The following NEDD9 variants were observed in gnomAD, a reference collection of about 807,000 sequenced individuals.
The protein encoded by NEDD9 is neural precursor cell expressed, developmentally down-regulated 9.
A neutral mutation model predicts 76.6 loss-of-function variants in NEDD9; 26 were observed. The ratio of observed to expected loss-of-function variants is 0.34; its 90% CI spans 0.25 to 0.47. NEDD9 has a LOEUF of 0.47. Among genes scored for constraint, NEDD9 ranks in the 20% least tolerant of loss-of-function variants. The pLI, the probability that NEDD9 is intolerant of heterozygous loss-of-function variation, is 1.00. For synonymous variants in NEDD9, 392 were observed against 414.2 expected, an observed-to-expected ratio of 0.95 and a Z score of 0.65; for missense variants, 937 against 1,058.5, an observed-to-expected ratio of 0.89 and a Z score of 1.59.
At chr6:11,355,897 T>C (rs983898948) in intron 1 of NEDD9, among the ~76,000 whole-genome samples, 7 of 141,488 alleles carry the variant, frequency 4.9e-5, no homozygotes, top group African/African-American at 1.8e-4. Context: ...ATTTTTTGTA[T>C]TTTTTAGTAG....
chr6:11,382,155 A>T (rs552329966), exon 1 of NEDD9: 1 of 152,240 alleles, frequency 6.6e-6, no homozygotes, highest in South Asian at 2.1e-4. Flanking sequence ...GTAGGATGGA[A>T]CCGCTGGTGG....
chr6:11,299,114 G>A (rs1760975154), intron 3 of NEDD9, among the ~76,000 whole-genome samples: 2 of 152,170 alleles, frequency 1.3e-5, no homozygotes, highest in Non-Finnish European at 2.9e-5. Flanking sequence ...ACTGTACCTG[G>A]AGAAACAGTA....
chr6:11,275,011 A>T (rs1760387593), intron 3 of NEDD9, among the ~76,000 whole-genome samples: 3 of 152,234 alleles, frequency 2.0e-5, no homozygotes, highest in Non-Finnish European at 2.9e-5. Flanking sequence ...TAAATGAATA[A>T]ATGTAGATGA....
At chr6:11,294,166 G>A (rs1383095504) in intron 3 of NEDD9, among the ~76,000 whole-genome samples, 1 of 152,154 alleles carries the variant, frequency 6.6e-6, no homozygotes, top group Admixed American at 6.5e-5. Flanking sequence ...TTGAGGTACT[G>A]ATTTCATTTC....
Position 11,192,580 on chromosome 6 carries a change from A to G in NEDD9, c.562-134T>C, listed in dbSNP as rs915340468. 8 of 590,844 alleles carry G rather than the reference A, an allele frequency of 1.4e-5. No individual in the cohort carries two copies. In the African/African-American group the frequency reaches 1.9e-4, roughly 14 times the overall value. 36.6% of individuals were successfully genotyped at this position (590,844 alleles called of 1,614,324 possible). ...TTGATCTTTGGCAGTGCTCCATGTT[A>G]TAACAGATTTATTGCCTTTTTTTTT... On this transcript the variant is annotated intron_variant, in intron 3 of 6. Coordinates refer to ENST00000379446, the MANE Select transcript of NEDD9 (RefSeq NM_006403.4).
chr6:11,302,463 C>A (rs549875058), intron 3 of NEDD9, among the ~76,000 whole-genome samples: 1 of 152,322 alleles, frequency 6.6e-6, no homozygotes, highest in South Asian at 2.1e-4. Context: ...ACCATTCCTT[C>A]TGAAACTATT....
At chr6:11,229,580 G>A (rs573112433) in intron 1 of NEDD9, among the ~76,000 whole-genome samples, 6 of 151,904 alleles carry the variant, frequency 3.9e-5, no homozygotes, top group Non-Finnish European at 8.8e-5. Context: ...ACCTAACCCC[G>A]CCAGCCCCCG....
At chr6:11,365,771 C>T (rs749860005) in intron 1 of NEDD9, among the ~76,000 whole-genome samples, 1 of 148,276 alleles carries the variant, frequency 6.7e-6, no homozygotes, top group African/African-American at 2.5e-5. Flanking sequence ...GGGCGGATCA[C>T]TTTGAGCTCA....
At chr6:11,301,913 G>A (rs1237625006) in intron 3 of NEDD9, among the ~76,000 whole-genome samples, 1 of 152,128 alleles carries the variant, frequency 6.6e-6, no homozygotes, top group East Asian at 1.9e-4. Flanking sequence ...AGAGAAAGCA[G>A]GAAAGATCTA....
At chr6:11,289,357 C>CTAT (rs1202147546) in intron 3 of NEDD9, among the ~76,000 whole-genome samples, 1 of 152,150 alleles carries the variant, frequency 6.6e-6, no homozygotes, top group African/African-American at 2.4e-5. Context: ...TGCTATAAAC[C>CTAT]TATTTTCTAT....
At chr6:11,321,317 T>C (rs1470567666) in intron 2 of NEDD9, among the ~76,000 whole-genome samples, 2 of 151,844 alleles carry the variant, frequency 1.3e-5, no homozygotes, top group African/African-American at 4.8e-5. Flanking sequence ...GTTTGAGAGG[T>C]GAAGGATGAC....
At chr6:11,334,099 A>G (rs1762100850) in intron 2 of NEDD9, among the ~76,000 whole-genome samples, 2 of 152,250 alleles carry the variant, frequency 1.3e-5, no homozygotes, top group African/African-American at 4.8e-5. Flanking sequence ...CTAAATAAAT[A>G]TAGCACATCA....
At chr6:11,268,587 G>A (rs1561811321) in intron 3 of NEDD9, among the ~76,000 whole-genome samples, 1 of 151,990 alleles carries the variant, frequency 6.6e-6, no homozygotes, top group Non-Finnish European at 1.5e-5. Flanking sequence ...AATTAGCCTG[G>A]CGTGATGGCA....
In NEDD9 at chr6:11,191,314, C is replaced by T. The variant is rs1408529549; in HGVS notation, c.664-109G>A. On this transcript the variant is annotated intron_variant, in intron 4 of 6. Transcript: ENST00000379446. ...TGGCACTTTTTCGGTCGCCCTCCCC[C>T]GCCCCAATGTTAGGCACTTCCAAGG... 50 of 1,173,334 alleles carry T rather than the reference C, an allele frequency of 4.3e-5. 1 individual carries two copies. The highest frequency in any genetic ancestry group is 2.2e-4 in the South Asian group (14 of 63,094). 72.7% of individuals were successfully genotyped at this position (1,173,334 alleles called of 1,614,324 possible).
chr6:11,357,197 G>A (rs975021349), intron 1 of NEDD9, among the ~76,000 whole-genome samples: 12 of 152,230 alleles, frequency 7.9e-5, no homozygotes, highest in African/African-American at 2.2e-4. Context: ...TTACACAAGC[G>A]TCTTCTGGCT....
At chr6:11,327,784 T>C (rs1761959976) in intron 2 of NEDD9, among the ~76,000 whole-genome samples, 1 of 152,270 alleles carries the variant, frequency 6.6e-6, no homozygotes, top group Non-Finnish European at 1.5e-5. Flanking sequence ...ACAAAGTTTC[T>C]GCAGAGGGAA....
At chr6:11,259,767 G>T (rs978162140) in intron 3 of NEDD9, among the ~76,000 whole-genome samples, 1 of 152,134 alleles carries the variant, frequency 6.6e-6, no homozygotes. Context: ...ACAGAGGTAG[G>T]TATTGTTTTA....
intron 3 of NEDD9, among the ~76,000 whole-genome samples, chr6:11,297,785 T>C (rs1217557592): frequency 1.3e-5 from 2 of 152,220 alleles, no homozygotes; most frequent in Non-Finnish European, 2.9e-5. Context: ...CATTCTCATA[T>C]TGTAGATGAA....
intron 3 of NEDD9, among the ~76,000 whole-genome samples, chr6:11,276,390 TGC>T (rs1187482425): frequency 3.3e-5 from 5 of 152,150 alleles, no homozygotes; most frequent in Non-Finnish European, 5.9e-5. Context: ...CGTGTGTGTG[TGC>T]GTGCATGTGT....
Sources: allele counts gnomAD v4.1 joint callset (sites outside exome capture counted in the v4.1 genomes callset), GRCh38; gene constraint gnomAD v4.1.1; transcripts MANE v1.5; gene names NCBI Gene and HGNC (gene_info 2026-07-23, HGNC 2026-07-21).